The following BMP7 variants were observed in gnomAD, a reference collection of about 807,000 sequenced individuals.
The protein encoded by BMP7 is bone morphogenetic protein 7.
A neutral mutation model predicts 41.2 loss-of-function variants in BMP7; 12 were observed. That is an observed-to-expected ratio of 0.29 (90% CI 0.19 to 0.47). BMP7 has a LOEUF of 0.47. Among genes scored for constraint, BMP7 ranks in the 20% least tolerant of loss-of-function variants. BMP7 has a pLI of 0.99. For synonymous variants in BMP7, 248 were observed against 250.0 expected (o/e 0.99, Z 0.07); for missense variants, 467 against 606.0 (o/e 0.77, Z 2.41).
rs3067106 is a variant in BMP7 at position 57,255,799 on chromosome 20, C to CAAAAA, written c.418+9901_418+9905dup. Among the ~76,000 whole-genome samples, 285 of 48,356 alleles carry CAAAAA rather than the reference C, an allele frequency of 5.9e-3. 19 individuals carry two copies. Among genetic ancestry groups the CAAAAA allele is most frequent in the African/African-American group, 0.018 (201 of 11,012 alleles). The allele number at this position is 48,356 out of a possible 152,430, so 31.7% of individuals were successfully genotyped here. ...TGGGGGATAGCGAGAGACTCCATCT[C>CAAAAA]AAAAAAAAAAAAAAAAAAAAAAAAA... is the stretch of plus-strand genomic sequence containing the variant. On this transcript the variant is annotated intron_variant, in intron 1 of 6. Coordinates refer to ENST00000395863, the MANE Select transcript of BMP7 (RefSeq NM_001719.3).
chr20:57,247,918 G>A (rs1326123095), intron 1 of BMP7, among the ~76,000 whole-genome samples: 1 of 152,154 alleles, frequency 6.6e-6, no homozygotes, highest in African/African-American at 2.4e-5. Context: ...AGGAGATCAG[G>A]AGGGTTATGT....
rs191153130 is a variant in BMP7, at chr20:57,259,629, C to T, written c.418+6076G>A. ...GTTGTCATTAATTCAATCCACTCCA[C>T]GCGGATCAGCACAGGCTTTGCGCGG... On this transcript the variant is annotated intron_variant, in intron 1 of 6. Coordinates refer to ENST00000395863, the MANE Select transcript of BMP7 (RefSeq NM_001719.3). The surrounding 1 kb of genome is among the most constrained non-coding windows in gnomAD (Gnocchi z 4.7). 1.3e-5 allele frequency among the ~76,000 whole-genome samples: 2 copies of T among 152,298 alleles called. No individual in the cohort carries two copies. The highest frequency in any genetic ancestry group is 6.5e-5 in the Admixed American group (1 of 15,304).
At chr20:57,234,092 C>CATCCCTCGT (rs1451487526) in intron 1 of BMP7, among the ~76,000 whole-genome samples, 1 of 152,164 alleles carries the variant, frequency 6.6e-6, no homozygotes, top group Non-Finnish European at 1.5e-5. Context: ...CCCCCACTCC[C>CATCCCTCGT]ATCCCTCGTG....
chr20:57,205,197 A>G (rs1170958949), intron 2 of BMP7, among the ~76,000 whole-genome samples: 2 of 152,178 alleles, frequency 1.3e-5, no homozygotes, highest in East Asian at 3.8e-4. Flanking sequence ...TCCTCTCTCA[A>G]GCACAGAGAG....
chr20:57,186,637 C>T (rs1984217516), intron 3 of BMP7, among the ~76,000 whole-genome samples: 1 of 152,124 alleles, frequency 6.6e-6, no homozygotes, highest in Non-Finnish European at 1.5e-5. Flanking sequence ...TGAGCCTCTG[C>T]AGATACGGTG....
Position 57,214,682 on chromosome 20 carries a change from T to C in BMP7, c.612-12059A>G, listed in dbSNP as rs983680397. Among the ~76,000 whole-genome samples, 3 of 152,232 alleles carry C rather than the reference T, an allele frequency of 2.0e-5. No individual in the cohort carries two copies. Among genetic ancestry groups the C allele is most frequent in the African/African-American group, 7.2e-5 (3 of 41,466 alleles). On this transcript the variant is annotated intron_variant, in intron 2 of 6. Transcript: ENST00000395863. This position sits in a 1 kb window ranked among gnomAD's most constrained non-coding sequence, Gnocchi z 4.0. ...TTGAGCATCCCAGGGAAGCGTCCAC[T>C]GATGCCCTAATGGTGCATCCACGTC...
At chr20:57,202,067 G>T (rs149118685) in intron 3 of BMP7, among the ~76,000 whole-genome samples, 1 of 152,172 alleles carries the variant, frequency 6.6e-6, no homozygotes, top group Non-Finnish European at 1.5e-5. Context: ...GTAAGAGACC[G>T]GGGACGCTGC....
chr20:57,177,506 C>T (rs1983957544), intron 4 of BMP7, among the ~76,000 whole-genome samples: 1 of 151,984 alleles, frequency 6.6e-6, no homozygotes, highest in Admixed American at 6.6e-5. Context: ...CATCACCATG[C>T]CCAGCTAATT....
intron 2 of BMP7, among the ~76,000 whole-genome samples, chr20:57,221,173 T>C (rs1280292990): frequency 2.0e-5 from 3 of 152,116 alleles, no homozygotes; most frequent in Non-Finnish European, 2.9e-5. Flanking sequence ...CCCACTCAGA[T>C]CTTCACTATG....
intron 1 of BMP7, among the ~76,000 whole-genome samples, chr20:57,248,992 G>A (rs1267518642): frequency 6.6e-6 from 1 of 151,738 alleles, no homozygotes; most frequent in African/African-American, 2.4e-5. Context: ...TAGTAGAGAC[G>A]ATGTTTCACC....
intron 2 of BMP7, chr20:57,225,869 C>T (rs1328483349): frequency 2.1e-6 from 1 of 471,330 alleles, no homozygotes; most frequent in East Asian, 6.9e-5. Context: ...CATGTCCTCT[C>T]CTCTGCTGGA....
chr20:57,216,504 G>GCGAGGGGGCTGTCTCCTGAGGA (rs1985023645), intron 2 of BMP7, among the ~76,000 whole-genome samples: 5 of 149,770 alleles, frequency 3.3e-5, no homozygotes, highest in African/African-American at 1.2e-4. Flanking sequence ...TCTCCTGAGG[G>GCGAGGGGGCTGTCTCCTGAGGA]CGAGGGGGCT....
chr20:57,232,321 G>A (rs1370042159), intron 1 of BMP7, among the ~76,000 whole-genome samples: 2 of 152,194 alleles, frequency 1.3e-5, no homozygotes, highest in Non-Finnish European at 2.9e-5. Context: ...CATTGTTACA[G>A]GGCCTCTAAA....
chr20:57,214,182 A>G lies in BMP7; in HGVS notation c.612-11559T>C, dbSNP rs562942596. On this transcript the variant is annotated intron_variant, in intron 2 of 6. Coordinates refer to ENST00000395863, the MANE Select transcript of BMP7 (RefSeq NM_001719.3). The surrounding 1 kb of genome is among the most constrained non-coding windows in gnomAD (Gnocchi z 4.0). ...TCAGAGATATGCAGGTAGTGAATGG[A>G]ACCACCCCAGAGCCTTGTTCCAGCA... 2.0e-5 allele frequency among the ~76,000 whole-genome samples: 3 copies of G among 152,146 alleles called. No individual in the cohort carries two copies. In the South Asian group the frequency reaches 6.2e-4, roughly 32 times the overall value.
chr20:57,198,312 C>A (rs1984549996), intron 3 of BMP7, among the ~76,000 whole-genome samples: 1 of 152,114 alleles, frequency 6.6e-6, no homozygotes, highest in Non-Finnish European at 1.5e-5. Flanking sequence ...CTGACACCAG[C>A]ATCCAGCATG....
In BMP7 at chr20:57,170,820, A is replaced by T; in HGVS notation, c.*139T>A. On this transcript the variant is annotated 3_prime_UTR_variant, in exon 7 of 7. Transcript: ENST00000395863. ...AAGCCATATGCTGCTCATGTTTCCT[A>T]ATACTCTCACACCTTTAAAGTTGGG... 9.0e-7 allele frequency: 1 copy of T among 1,108,630 alleles called. No homozygotes were observed. Among genetic ancestry groups the T allele is most frequent in the Non-Finnish European group, 1.3e-6 (1 of 759,454 alleles). The allele number at this position is 1,108,630 out of a possible 1,614,324, so 68.7% of individuals were successfully genotyped here.
chr20:57,179,128 G>A (rs1419613128), intron 4 of BMP7, among the ~76,000 whole-genome samples: 1 of 152,230 alleles, frequency 6.6e-6, no homozygotes, highest in South Asian at 2.1e-4. Context: ...ACCCTGCTCT[G>A]TGCTTCCAGG....
chr20:57,175,075 C>T (rs1258394507), intron 4 of BMP7, 68 bp from the exon 5 acceptor site: 2 of 1,481,514 alleles, frequency 1.3e-6, no homozygotes, highest in Admixed American at 1.9e-5. Flanking sequence ...CATCAAAGTT[C>T]CCTCCATCTT....
rs2066031408 is a variant in BMP7, at chr20:57,232,089, G to A, written c.419-3668C>T. Among the ~76,000 whole-genome samples the A allele has an allele frequency of 3.3e-5, 5 of 152,192 alleles. No individual in the cohort carries two copies. The South Asian group carries it at 1.0e-3, about 32-fold the overall frequency. On this transcript the variant is annotated intron_variant, in intron 1 of 6. Transcript: ENST00000395863. ...ATCAGGTGAGCGGCTGAACTCCAAA[G>A]CTCACCCTCTTGACCTTCACACTCT...
Sources: allele counts gnomAD v4.1 joint callset (sites outside exome capture counted in the v4.1 genomes callset), GRCh38; gene constraint gnomAD v4.1.1; non-coding constraint Gnocchi (gnomAD v3.1); transcripts MANE v1.5; gene names NCBI Gene and HGNC (gene_info 2026-07-23, HGNC 2026-07-21).